The following SGCD variants were observed in gnomAD, a reference collection of about 807,000 sequenced individuals.
The protein encoded by SGCD is sarcoglycan delta.
In SGCD, 18 loss-of-function variants were observed where a neutral mutation model predicts 36.6. That is an observed-to-expected ratio of 0.49 (90% CI 0.34 to 0.73). The LOEUF is 0.73. SGCD is among the 30% of genes least tolerant of loss of function. SGCD has a pLI of 0.01. For synonymous variants in SGCD, 133 were observed against 130.6 expected (o/e 1.02, Z -0.12); for missense variants, 387 against 346.7 (o/e 1.12, Z -0.92).
At chr5:156,609,863 A>T (rs1761693190) in intron 6 of SGCD, among the ~76,000 whole-genome samples, 1 of 152,178 alleles carries the variant, frequency 6.6e-6, no homozygotes, top group Admixed American at 6.5e-5. Context: ...TGCATTCATC[A>T]CATAGTTCTC....
intron 1 of SGCD, among the ~76,000 whole-genome samples, chr5:156,109,454 G>A (rs1475662818): frequency 6.6e-6 from 1 of 152,114 alleles, no homozygotes; most frequent in Non-Finnish European, 1.5e-5. Flanking sequence ...CCTAAAGACA[G>A]CTTTATATGT....
At chr5:156,591,008 T>C (rs1216582369) in intron 5 of SGCD, among the ~76,000 whole-genome samples, 1 of 151,966 alleles carries the variant, frequency 6.6e-6, no homozygotes, top group Admixed American at 6.6e-5. Flanking sequence ...TGATGAATTC[T>C]AGAGAAGACA....
the SGCD span, among the ~76,000 whole-genome samples, chr5:155,803,849 G>A: frequency 6.6e-6 from 1 of 152,136 alleles, no homozygotes; most frequent in African/African-American, 2.4e-5. Flanking sequence ...TGGAGGGTGA[G>A]ACAAAGATGT....
In SGCD at chr5:156,760,912, A is replaced by T. The variant is rs536625702; in HGVS notation, c.*1522A>T. The T allele has an allele frequency of 6.5e-6, 1 of 152,698 alleles. No homozygotes were observed. Among genetic ancestry groups the T allele is most frequent in the African/African-American group, 2.4e-5 (1 of 41,578 alleles). 9.5% of individuals were successfully genotyped at this position (152,698 alleles called of 1,614,324 possible). A position where few individuals can be genotyped will look rare whatever the true frequency, so the allele number is the denominator to read the frequency against. ...TTATGACTGGACATCTTAAAAGCTG[A>T]TAGACAAGCCAAATGGCTGGCAGAT... On this transcript the variant is annotated 3_prime_UTR_variant, in exon 9 of 9. Transcript: ENST00000337851.
chr5:156,682,540 G>T (rs1753759101), intron 7 of SGCD, among the ~76,000 whole-genome samples: 2 of 152,184 alleles, frequency 1.3e-5, no homozygotes, highest in Admixed American at 1.3e-4. Flanking sequence ...AGTCTGTTCA[G>T]CTTCTGCCGA....
In SGCD at chr5:156,762,114, G is replaced by A. The variant is rs1334572336; in HGVS notation, c.*2724G>A. ...TTACCTGAATTCTTGGGGGCCGGCG[G>A]GGAGCTTTTACATTAAAAATCTACT... is the stretch of plus-strand genomic sequence containing the variant. On this transcript the variant is annotated 3_prime_UTR_variant, in exon 9 of 9. Transcript: ENST00000337851. 6.6e-6 allele frequency: 1 copy of A among 152,070 alleles called. No homozygotes were observed. 9.4% of individuals were successfully genotyped at this position (152,070 alleles called of 1,614,324 possible).
At chr5:156,465,604 A>T (rs1754688388) in intron 3 of SGCD, among the ~76,000 whole-genome samples, 1 of 152,124 alleles carries the variant, frequency 6.6e-6, no homozygotes, top group Admixed American at 6.6e-5. Flanking sequence ...CTCCAAGAGC[A>T]TCTCTCTTTC....
At chr5:156,197,696 AT>A (rs898857726) in intron 3 of SGCD, among the ~76,000 whole-genome samples, 1 of 151,758 alleles carries the variant, frequency 6.6e-6, no homozygotes, top group Non-Finnish European at 1.5e-5. Flanking sequence ...ATTACATGTG[AT>A]TTTTTTGCCT....
chr5:156,381,477 G>A (rs1580901493), intron 3 of SGCD, among the ~76,000 whole-genome samples: 1 of 151,990 alleles, frequency 6.6e-6, no homozygotes, highest in African/African-American at 2.4e-5. Context: ...GGGCACAGGG[G>A]CATGGCAGAA....
chr5:155,970,260 A>G (rs1465518576), intron 1 of SGCD, among the ~76,000 whole-genome samples: 1 of 152,056 alleles, frequency 6.6e-6, no homozygotes, highest in Non-Finnish European at 1.5e-5. Context: ...AGATGACCAC[A>G]TCTCTCCTCC....
intron 6 of SGCD, among the ~76,000 whole-genome samples, chr5:156,622,338 C>A (rs1561820790): frequency 6.6e-6 from 1 of 151,420 alleles, no homozygotes; most frequent in Non-Finnish European, 1.5e-5. Context: ...GAGCCTGAGG[C>A]AGGAGAATCA....
chr5:155,825,571 G>T, the SGCD span, among the ~76,000 whole-genome samples: 9 of 152,140 alleles, frequency 5.9e-5, no homozygotes, highest in Non-Finnish European at 1.2e-4. Flanking sequence ...CAAAAATGTA[G>T]GTGAATGATA....
rs1356118228 is a variant in SGCD at position 156,426,413 on chromosome 5, G to A, written c.192+81736G>A. On this transcript the variant is annotated intron_variant, in intron 3 of 8. Coordinates refer to ENST00000337851, the MANE Select transcript of SGCD (RefSeq NM_000337.6). ...ATGTTCTTTAATTATTTTTTGATGG[G>A]ATTATTTGTTTTTATTCTTGCTCAT... 2.0e-5 allele frequency among the ~76,000 whole-genome samples: 3 copies of A among 151,784 alleles called. No homozygotes were observed. The East Asian group carries it at 5.8e-4, about 29-fold the overall frequency.
At chr5:156,449,493 A>G (rs113092628) in intron 3 of SGCD, among the ~76,000 whole-genome samples, 3,675 of 151,880 alleles carry the variant, frequency 0.024, 59 homozygotes, top group African/African-American at 0.04. Flanking sequence ...GATAGGGAAA[A>G]GGCCTGAGAA....
chr5:156,537,164 G>A (rs1758150028), intron 4 of SGCD, among the ~76,000 whole-genome samples: 1 of 152,064 alleles, frequency 6.6e-6, no homozygotes, highest in South Asian at 2.1e-4. Flanking sequence ...TACTCCATGG[G>A]GAAACTTCTT....
At chr5:156,666,907 A>G (rs1322214706) in intron 7 of SGCD, among the ~76,000 whole-genome samples, 1 of 152,174 alleles carries the variant, frequency 6.6e-6, no homozygotes, top group East Asian at 1.9e-4. Flanking sequence ...AGATCATGCC[A>G]CTGCACCCCA....
At chr5:156,211,763 G>C (rs116039932) in intron 3 of SGCD, among the ~76,000 whole-genome samples, 3,151 of 152,008 alleles carry the variant, frequency 0.021, 110 homozygotes, top group African/African-American at 0.068. Flanking sequence ...TATATCTTTA[G>C]TGTAAAAATT....
At chr5:156,025,187 G>A (rs1308838282) in intron 1 of SGCD, among the ~76,000 whole-genome samples, 2 of 152,080 alleles carry the variant, frequency 1.3e-5, no homozygotes, top group Admixed American at 6.5e-5. Flanking sequence ...CCATGATGTG[G>A]TTCTACCATT....
the SGCD span, among the ~76,000 whole-genome samples, chr5:155,825,309 C>T: frequency 6.6e-5 from 10 of 152,134 alleles, no homozygotes; most frequent in Admixed American, 2.0e-4. Context: ...GAGAGGGTCC[C>T]GAACAATGAT....
Sources: gnomAD v4.1 joint callset for allele counts (sites outside exome capture counted in the v4.1 genomes callset) on GRCh38, gnomAD v4.1.1 for gene constraint, MANE v1.5 for transcripts, NCBI Gene and HGNC (gene_info 2026-07-23, HGNC 2026-07-21) for gene names.